Variants in BRINP2 observed in about 807,000 individuals in gnomAD.
The protein encoded by BRINP2 is BMP/retinoic acid-inducible neural-specific protein 2.
A neutral mutation model predicts 69.2 loss-of-function variants in BRINP2; 21 were observed. The ratio of observed to expected loss-of-function variants is 0.30; its 90% CI spans 0.22 to 0.44. The LOEUF is 0.44. BRINP2 is among the 20% of genes least tolerant of loss of function. BRINP2 has a pLI of 1.00. For synonymous variants in BRINP2, 380 were observed against 394.1 expected (o/e 0.96, Z 0.42); for missense variants, 877 against 986.0 (o/e 0.89, Z 1.48).
intron 4 of BRINP2, among the ~76,000 whole-genome samples, chr1:177,265,373 T>C (rs1340811534): frequency 1.3e-5 from 2 of 152,228 alleles, no homozygotes; most frequent in Admixed American, 6.5e-5. Flanking sequence ...ATCATTCTCT[T>C]GCATATGTCT....
At chr1:177,201,064 G>C (rs548092118) in intron 1 of BRINP2, among the ~76,000 whole-genome samples, 3 of 152,058 alleles carry the variant, frequency 2.0e-5, no homozygotes, top group Non-Finnish European at 2.9e-5. Context: ...AGGGATAAAA[G>C]ACTACACATT....
intron 1 of BRINP2, among the ~76,000 whole-genome samples, chr1:177,204,189 A>G (rs1649001468): frequency 6.6e-6 from 1 of 152,112 alleles, no homozygotes; most frequent in African/African-American, 2.4e-5. Context: ...AAACCACTCG[A>G]GATTATGAAG....
intron 1 of BRINP2, among the ~76,000 whole-genome samples, chr1:177,226,786 G>A (rs1377956527): frequency 6.6e-6 from 1 of 152,080 alleles, no homozygotes; most frequent in Admixed American, 6.5e-5. Context: ...TATGACTGAG[G>A]TTCCCATTTT....
chr1:177,249,962 G>T (rs1215001542), intron 2 of BRINP2, among the ~76,000 whole-genome samples: 1 of 152,226 alleles, frequency 6.6e-6, no homozygotes, highest in East Asian at 1.9e-4. Context: ...ACCACTGGGA[G>T]CCCCTAGAGT....
At chr1:177,196,982 G>A (rs980287598) in intron 1 of BRINP2, among the ~76,000 whole-genome samples, 24 of 152,132 alleles carry the variant, frequency 1.6e-4, no homozygotes, top group South Asian at 6.2e-4. Context: ...CATCTCAAAC[G>A]TGACTGTGTC....
chr1:177,203,589 T>A (rs1648985517), intron 1 of BRINP2, among the ~76,000 whole-genome samples: 1 of 151,800 alleles, frequency 6.6e-6, no homozygotes, highest in East Asian at 1.9e-4. Context: ...AAAGACCCAC[T>A]GGGATAAGGC....
chr1:177,226,595 AC>A (rs34119256), intron 1 of BRINP2, among the ~76,000 whole-genome samples: 28,981 of 152,166 alleles, frequency 0.19, 3,140 homozygotes, highest in Non-Finnish European at 0.24. Flanking sequence ...ATAAAACAAT[AC>A]AAAAGCATTA....
chr1:177,233,328 A>G (rs1649919463), intron 2 of BRINP2, among the ~76,000 whole-genome samples: 1 of 152,184 alleles, frequency 6.6e-6, no homozygotes, highest in South Asian at 2.1e-4. Context: ...CAAATTACAT[A>G]GTTTTCTTGT....
At chr1:177,253,502 C>G (rs1453370734) in intron 2 of BRINP2, among the ~76,000 whole-genome samples, 1 of 152,082 alleles carries the variant, frequency 6.6e-6, no homozygotes, top group East Asian at 1.9e-4. Flanking sequence ...TCTCCTCGCT[C>G]TGTTGTTTCC....
At chr1:177,266,655 G>T (rs1050735910) in intron 4 of BRINP2, among the ~76,000 whole-genome samples, 2 of 151,292 alleles carry the variant, frequency 1.3e-5, no homozygotes, top group Non-Finnish European at 2.9e-5. Context: ...AGCTACTCGG[G>T]AGGGTGAGGA....
intron 2 of BRINP2, among the ~76,000 whole-genome samples, chr1:177,249,677 GT>G (rs1271174984): frequency 1.3e-5 from 2 of 152,078 alleles, no homozygotes; most frequent in Non-Finnish European, 2.9e-5. Flanking sequence ...CCTTTTCTTA[GT>G]TTAAAAAAAA....
intron 1 of BRINP2, among the ~76,000 whole-genome samples, chr1:177,229,002 C>A (rs1052520316): frequency 2.6e-5 from 4 of 152,182 alleles, no homozygotes; most frequent in African/African-American, 9.7e-5. Flanking sequence ...TAGAAAGATA[C>A]AGCAGTTATT....
chr1:177,232,111 C>A (rs979012836), intron 2 of BRINP2, among the ~76,000 whole-genome samples: 1 of 152,138 alleles, frequency 6.6e-6, no homozygotes, highest in African/African-American at 2.4e-5. Flanking sequence ...ACTGTTATCA[C>A]CAAAAATAAT....
intron 2 of BRINP2, among the ~76,000 whole-genome samples, chr1:177,242,353 A>G (rs1010694703): frequency 2.0e-5 from 3 of 152,204 alleles, no homozygotes; most frequent in African/African-American, 7.2e-5. Context: ...TTCAACAAAT[A>G]GTCAATGAAT....
chr1:177,187,829 A>G (rs1014992461), intron 1 of BRINP2, among the ~76,000 whole-genome samples: 1 of 152,194 alleles, frequency 6.6e-6, no homozygotes, highest in African/African-American at 2.4e-5. Context: ...GGAGTTAACC[A>G]TATGATTTTT....
At chr1:177,247,157 C>T (rs914150521) in intron 2 of BRINP2, among the ~76,000 whole-genome samples, 1 of 152,142 alleles carries the variant, frequency 6.6e-6, no homozygotes, top group Non-Finnish European at 1.5e-5. Flanking sequence ...GTGATGGGAG[C>T]AGTAGCCCTG....
chr1:177,204,227 G>A (rs4652232), intron 1 of BRINP2, among the ~76,000 whole-genome samples: 59,066 of 151,902 alleles, frequency 0.39, 11,816 homozygotes, highest in South Asian at 0.48. Context: ...ATTTGAGGCC[G>A]TTTTGAGACA....
In BRINP2 at chr1:177,230,117, G is replaced by T. The variant is rs761135465; in HGVS notation, c.241G>T (p.Gly81Cys). The stretch of plus-strand genomic sequence containing the variant: ...TGACTTCATGGAGCGGTACCGCCAG[G>T]GTTTCACCACCAGGTACAGGATTTA... ...YADFMERYRQGFTTRYRIYRE... is the reference protein window; with the variant it reads ...YADFMERYRQCFTTRYRIYRE... The change falls in exon 2 of 8, where the codon GGT becomes TGT. Residue 81 changes from glycine (G) to cysteine (C), a missense_variant. Physicochemically the swap from Gly to Cys is radical, Grantham distance 159. This residue lies in a region of BRINP2 where 566 missense variants were observed against 625.2 expected (regional missense o/e 0.91). Transcript: ENST00000361539. 1 of 1,611,964 alleles carries T rather than the reference G, an allele frequency of 6.2e-7. No individual in the cohort carries two copies. The highest frequency in any genetic ancestry group is 1.1e-5 in the South Asian group (1 of 90,810).
chr1:177,252,008 T>C (rs1346571696), intron 2 of BRINP2, among the ~76,000 whole-genome samples: 3 of 152,222 alleles, frequency 2.0e-5, no homozygotes, highest in Non-Finnish European at 4.4e-5. Flanking sequence ...GTTTGTTTAT[T>C]TGCTTTTAGT....
Sources: allele counts gnomAD v4.1 joint callset (sites outside exome capture counted in the v4.1 genomes callset), GRCh38; gene constraint gnomAD v4.1.1; regional missense constraint gnomAD v4.1.1; transcripts MANE v1.5; gene names NCBI Gene and HGNC (gene_info 2026-07-23, HGNC 2026-07-21).